RGS3: variants seen among roughly 807,000 people sequenced by gnomAD.
The protein encoded by RGS3 is regulator of G-protein signalling 3.
A neutral mutation model predicts 132.6 loss-of-function variants in RGS3; 80 were observed. The ratio of observed to expected loss-of-function variants is 0.60; its 90% CI spans 0.50 to 0.73. The LOEUF (loss-of-function observed/expected upper bound fraction) is 0.73. RGS3 is among the 30% of genes least tolerant of loss of function. The pLI is 0.00. For missense variants in RGS3, 1,382 were observed against 1,530.8 expected (o/e 0.90, Z 1.62); for synonymous variants, 598 against 620.6 (o/e 0.96, Z 0.54).
intron 3 of RGS3, among the ~76,000 whole-genome samples, chr9:113,472,942 G>A (rs1829879654): frequency 6.6e-6 from 1 of 152,190 alleles, no homozygotes; most frequent in Admixed American, 6.5e-5. Flanking sequence ...TCAGGAGGCT[G>A]AGACAGGAGA....
At chr9:113,556,475 T>C (rs1266884871) in intron 19 of RGS3, among the ~76,000 whole-genome samples, 1 of 152,200 alleles carries the variant, frequency 6.6e-6, no homozygotes, top group East Asian at 1.9e-4. Context: ...TTCCCAGCAC[T>C]ATTGTTATTA....
chr9:113,533,624 G>T (rs771196839), intron 18 of RGS3, among the ~76,000 whole-genome samples: 1 of 152,366 alleles, frequency 6.6e-6, no homozygotes, highest in Middle Eastern at 3.4e-3. Flanking sequence ...GGACATGGAG[G>T]CCCAGGGAGA....
At chr9:113,457,123 T>G (rs1397309894), upstream of RGS3, among the ~76,000 whole-genome samples, 2 of 152,198 alleles carry the variant, frequency 1.3e-5, no homozygotes, top group African/African-American at 4.8e-5. Context: ...GGCCCCTGTT[T>G]ACTTTCTTGC....
At chr9:113,510,260 C>T (rs1039509509) in intron 14 of RGS3, among the ~76,000 whole-genome samples, 9 of 152,208 alleles carry the variant, frequency 5.9e-5, no homozygotes, top group African/African-American at 2.2e-4. Context: ...CTGCAAATGC[C>T]GTTAATTCAT....
chr9:113,563,158 G>A (rs1833861738), intron 19 of RGS3, among the ~76,000 whole-genome samples: 1 of 152,200 alleles, frequency 6.6e-6, no homozygotes, highest in Admixed American at 6.5e-5. Context: ...ATGTATTCTG[G>A]ACTCGTTCTG....
At chr9:113,495,372 G>T (rs77958799) in intron 7 of RGS3, among the ~76,000 whole-genome samples, 2,215 of 152,262 alleles carry the variant, frequency 0.015, 62 homozygotes, top group African/African-American at 0.051. Flanking sequence ...CTGGACCTGA[G>T]ATAGAACTTC....
rs564458702 is a variant in RGS3 at position 113,448,592 on chromosome 9, A to G, written c.-13+3665A>G. Among the ~76,000 whole-genome samples, 38 of 152,172 alleles carry G rather than the reference A, an allele frequency of 2.5e-4. No homozygotes were observed. In the South Asian group the frequency reaches 7.5e-3, roughly 30 times the overall value. On this transcript the variant is annotated intron_variant, in intron 1 of 25. Coordinates refer to the RGS3 transcript ENST00000374140. ...TTTCACTTTTTCTCTCATAGCCACT[A>G]TTGGGGTTCACAGCTTGTCTGTTGC...
chr9:113,546,439 C>T (rs984070291), intron 19 of RGS3, among the ~76,000 whole-genome samples: 2 of 152,120 alleles, frequency 1.3e-5, no homozygotes, highest in Non-Finnish European at 2.9e-5. Flanking sequence ...GTCTTTGATT[C>T]TATTGTTGTC....
At chr9:113,487,984 G>A (rs939408079) in intron 7 of RGS3, among the ~76,000 whole-genome samples, 1 of 152,198 alleles carries the variant, frequency 6.6e-6, no homozygotes, top group Admixed American at 6.5e-5. Flanking sequence ...TCACTTTGGT[G>A]TTTGGGAATG....
intron 1 of RGS3, among the ~76,000 whole-genome samples, chr9:113,450,152 C>A (rs1156910661): frequency 6.6e-6 from 1 of 151,688 alleles, no homozygotes; most frequent in Non-Finnish European, 1.5e-5. Context: ...TCACTGCAAC[C>A]TCGCCTCCCG....
upstream of RGS3, among the ~76,000 whole-genome samples, chr9:113,459,833 G>A (rs1829435095): frequency 6.6e-6 from 1 of 152,070 alleles, no homozygotes; most frequent in South Asian, 2.1e-4. Flanking sequence ...GAGGTCAGGA[G>A]TTTGAGACCA....
upstream of RGS3, among the ~76,000 whole-genome samples, chr9:113,458,762 C>T (rs928499948): frequency 5.3e-5 from 8 of 151,762 alleles, no homozygotes; most frequent in Non-Finnish European, 1.0e-4. Flanking sequence ...TTTCTTTTTT[C>T]TTTTTTTGAG....
intron 15 of RGS3, 59 bp downstream of exon 13, chr9:113,514,713 C>T: frequency 1.3e-6 from 2 of 1,554,272 alleles, no homozygotes; most frequent in Non-Finnish European, 1.8e-6. Context: ...GAGGAGGGCC[C>T]TTGCCCCAGG....
At chr9:113,497,469 C>A in intron 9 of RGS3, 65 bp downstream of exon 7, 2 of 1,347,658 alleles carry the variant, frequency 1.5e-6, no homozygotes, top group Non-Finnish European at 2.1e-6. Context: ...TCCTGCATAG[C>A]GGCATCAGTA....
At chr9:113,594,302 G>C in intron 21 of RGS3, 128 bp from the exon 20 acceptor site, 1 of 1,595,060 alleles carries the variant, frequency 6.3e-7, no homozygotes, top group South Asian at 1.1e-5. Context: ...TACCTCACTC[G>C]CAACGGGAAC....
chr9:113,458,896 C>T (rs1373689872), upstream of RGS3, among the ~76,000 whole-genome samples: 3 of 152,114 alleles, frequency 2.0e-5, no homozygotes, highest in Non-Finnish European at 4.4e-5. Context: ...GGACTACAGG[C>T]GCATGCCACC....
intron 18 of RGS3, among the ~76,000 whole-genome samples, chr9:113,533,762 C>T (rs1230647545): frequency 6.6e-6 from 1 of 152,186 alleles, no homozygotes; most frequent in Non-Finnish European, 1.5e-5. Flanking sequence ...CCTGCCTCAC[C>T]CCCCACCTTT....
chr9:113,596,296 T>A (rs542544581), intron 24 of RGS3, among the ~76,000 whole-genome samples: 1 of 152,352 alleles, frequency 6.6e-6, no homozygotes, highest in East Asian at 1.9e-4. Context: ...ATCGCACCAC[T>A]GCACTCCAGC....
intron 19 of RGS3, chr9:113,581,221 T>G (rs1456806543): frequency 1.3e-5 from 2 of 156,228 alleles, no homozygotes; most frequent in African/African-American, 2.4e-5. Context: ...AGGCCTGGAC[T>G]CTGGCCCCAG....
Sources: allele counts gnomAD v4.1 joint callset (sites outside exome capture counted in the v4.1 genomes callset), GRCh38; gene constraint gnomAD v4.1.1; transcripts MANE v1.5; gene names NCBI Gene and HGNC (gene_info 2026-07-23, HGNC 2026-07-21).